The following SYNE1 variants were observed in gnomAD, a reference collection of about 807,000 sequenced individuals.
The protein encoded by SYNE1 is spectrin repeat containing nuclear envelope protein 1, also known as nesprin-1.
In SYNE1, 616 loss-of-function variants were observed where a neutral mutation model predicts 1,111.0. The observed-to-expected ratio is 0.55, with a 90% CI of 0.52 to 0.59. The LOEUF is 0.59. Among genes scored for constraint, SYNE1 ranks in the 20% least tolerant of loss-of-function variants. The pLI is 0.00. For missense variants in SYNE1, 10,006 were observed against 10,417.0 expected, an observed-to-expected ratio of 0.96 and a Z score of 1.72; for synonymous variants, 3,855 against 3,825.8, an observed-to-expected ratio of 1.01 and a Z score of -0.28.
chr6:152,463,575 A>ATTTGGT, intron 18 of SYNE1, 58 bp from the exon 19 acceptor site: 1 of 1,408,326 alleles, frequency 7.1e-7, no homozygotes, highest in South Asian at 1.2e-5. Context: ...AGTGACTGAT[A>ATTTGGT]TGAAAGTGAC....
rs7771662 is a variant in SYNE1, at chr6:152,362,064, G to A, written c.10299+106C>T. On this transcript the variant is annotated intron_variant, in intron 64 of 145. Coordinates refer to ENST00000367255, the MANE Select transcript of SYNE1 (RefSeq NM_182961.4). ...ATACTAAAAGCCCCAAACGTAATTT[G>A]CTTATGTGCACTGCCCTAGGGTACA... 0.6 allele frequency: 865,933 copies of A among 1,454,994 alleles called. 259,717 individuals carry two copies. The highest frequency in any genetic ancestry group is 0.64 in the East Asian group (27,796 of 43,566). 90.1% of individuals were successfully genotyped at this position (1,454,994 alleles called of 1,614,324 possible).
chr6:152,480,230 G>A (rs538756886), intron 14 of SYNE1, among the ~76,000 whole-genome samples: 62 of 152,302 alleles, frequency 4.1e-4, no homozygotes, highest in African/African-American at 1.4e-3. Context: ...GTTTTAATAA[G>A]TCAAACTTGG....
At chr6:152,557,085 T>A (rs2099367577) in intron 3 of SYNE1, among the ~76,000 whole-genome samples, 1 of 150,610 alleles carries the variant, frequency 6.6e-6, no homozygotes, top group Non-Finnish European at 1.5e-5. Context: ...CTGAAAAAAA[T>A]CAGAAGTTCA....
intron 121 of SYNE1, among the ~76,000 whole-genome samples, chr6:152,215,730 C>T (rs752760319): frequency 5.3e-5 from 8 of 152,234 alleles, no homozygotes; most frequent in African/African-American, 1.9e-4. Flanking sequence ...ATCCTCAAAA[C>T]GATCACATAA....
intron 14 of SYNE1, among the ~76,000 whole-genome samples, chr6:152,478,305 TGGACAGTAGCTGGGAGG>T (rs2098847081): frequency 6.6e-6 from 1 of 152,112 alleles, no homozygotes; most frequent in African/African-American, 2.4e-5. Flanking sequence ...GGAAGAAAAT[TGGACAGTAGCTGGGAGG>T]GGAAGTGGGG....
intron 129 of SYNE1, 76 bp from the exon 130 acceptor site, chr6:152,176,636 G>T (rs2066514066): frequency 1.4e-6 from 2 of 1,403,254 alleles, no homozygotes; most frequent in Non-Finnish European, 1.0e-6. Flanking sequence ...CTAGAAACAT[G>T]ATGATTACTG....
Position 152,330,008 on chromosome 6 carries a change from T to G in SYNE1, c.14677A>C (p.Met4893Leu). The G allele has an allele frequency of 6.2e-7, 1 of 1,614,164 alleles. No homozygotes were observed. Among genetic ancestry groups the G allele is most frequent in the South Asian group, 1.1e-5 (1 of 91,074 alleles). The change falls in exon 78 of 146, where the codon ATG (methionine) becomes CTG (leucine). Residue 4893 changes from methionine to leucine, a missense_variant. Physicochemically the swap from Met to Leu is conservative, Grantham distance 15 (BLOSUM62 2). Transcript: ENST00000367255. Reference protein sequence around the residue: ...MVQSIDFQTEMSRSLDWLRRV... With the variant: ...MVQSIDFQTELSRSLDWLRRV... ...CTCAGCCAGTCCAGGGAGCGACTCA[T>G]CTCAGTCTGGAAGTCTATACTCTGC...
At position 152,318,908 on chromosome 6, in the gene SYNE1, C is replaced by T. The variant is rs750788900; in HGVS notation, c.16344G>A (p.Leu5448=). The change falls in exon 85 of 146, where the codon CTG becomes CTA. Residue 5448 remains leucine, a synonymous_variant. Coordinates refer to ENST00000367255, the MANE Select transcript of SYNE1 (RefSeq NM_182961.4). The part of the protein sequence containing the change: ...AKDLTTILTK[L]KAKTDNVVQA... ...GAACTACATTATCTGTCTTCGCTTT[C>T]AGCTTAGTTAGAATAGTTGTGAGGT... The T allele has an allele frequency of 4.3e-6, 7 of 1,614,088 alleles. No individual in the cohort carries two copies. Among genetic ancestry groups the T allele is most frequent in the African/African-American group, 4.0e-5 (3 of 74,934 alleles).
intron 74 of SYNE1, among the ~76,000 whole-genome samples, chr6:152,341,850 G>C (rs2096540304): frequency 6.6e-6 from 1 of 152,138 alleles, no homozygotes; most frequent in South Asian, 2.1e-4. Flanking sequence ...TGAAGGACAT[G>C]ACATTATTTG....
chr6:152,232,332 A>T (rs2082967890), intron 112 of SYNE1, 67 bp from the exon 113 acceptor site: 1 of 1,506,270 alleles, frequency 6.6e-7, no homozygotes. Flanking sequence ...TGCTAACTTA[A>T]AAACCCTACA....
At position 152,291,304 on chromosome 6, in the gene SYNE1, C is replaced by A. The variant is rs534463149; in HGVS notation, c.18012+2284G>T. Among the ~76,000 whole-genome samples, 4 of 148,698 alleles carry A rather than the reference C, an allele frequency of 2.7e-5. No individual in the cohort carries two copies. The East Asian group carries it at 7.8e-4, about 29-fold the overall frequency. ...TTAATATGATATATTAATATATTTT[C>A]TCTCTTAATAAACCATTAAGCCCCA... On this transcript the variant is annotated intron_variant, in intron 95 of 145. Transcript: ENST00000367255.
chr6:152,236,202 G>C lies in SYNE1; in HGVS notation c.20301C>G (p.Ser6767Arg). 2 of 1,614,064 alleles carry C rather than the reference G, an allele frequency of 1.2e-6. No individual in the cohort carries two copies. The highest frequency in any genetic ancestry group is 1.7e-6 in the Non-Finnish European group (2 of 1,180,000). The change falls in exon 110 of 146, where the codon AGC (serine) becomes AGG (arginine). Residue 6767 changes from serine to arginine, a missense_variant. Ser to Arg is a moderately radical substitution (Grantham distance 110, BLOSUM62 -1). Transcript: ENST00000367255. ...LISISCSDLE[S>R]QLNQLGECWL... is the part of the protein sequence containing the mutation. ...AGCACTCTCCAAGTTGATTTAGTTGGCTTTCTAGATCTGAGCAGCTGATGG... is the reference window on the plus strand; with the variant it reads ...AGCACTCTCCAAGTTGATTTAGTTGCCTTTCTAGATCTGAGCAGCTGATGG...
chr6:152,428,391 T>G lies in SYNE1; in HGVS notation c.4790A>C (p.Asp1597Ala). 1 of 1,613,414 alleles carries G rather than the reference T, an allele frequency of 6.2e-7. No individual in the cohort carries two copies. The highest frequency in any genetic ancestry group is 8.5e-7 in the Non-Finnish European group (1 of 1,180,000). Residue 1597 changes from aspartate to alanine, a missense_variant and splice_region_variant, in exon 37 of 146, where the codon GAT becomes GCT. Asp to Ala is a moderately radical substitution (Grantham distance 126, BLOSUM62 -2). This residue lies in a region of SYNE1 where 1,971 missense variants were observed against 2,084.1 expected (regional missense o/e 0.95). Transcript: ENST00000367255. ...CAGTGACTCCAGGGCCTGGCAGAGA[T>G]CCTAAGAAGAGTGCGAGAAGAATGC... The part of the protein sequence containing the change: ...ETYKVLQEHM[D>A]LCQALESLSS...
At chr6:152,567,773 T>C (rs1385562783) in intron 3 of SYNE1, among the ~76,000 whole-genome samples, 17 of 152,158 alleles carry the variant, frequency 1.1e-4, no homozygotes, top group Admixed American at 1.1e-3. Context: ...GACTTCCTCA[T>C]GTAGAAAATC....
chr6:152,181,313 G>A (rs1434464421), intron 128 of SYNE1, among the ~76,000 whole-genome samples: 1 of 152,142 alleles, frequency 6.6e-6, no homozygotes, highest in Non-Finnish European at 1.5e-5. Flanking sequence ...TTGGGAAGTT[G>A]AGGCAGGAGA....
intron 61 of SYNE1, chr6:152,367,830 G>C (rs2097107320): frequency 4.9e-6 from 1 of 203,918 alleles, no homozygotes; most frequent in African/African-American, 2.3e-5. Context: ...CCATACACAT[G>C]GTTTTGTTTA....
chr6:152,175,497 G>A (rs914664379), intron 130 of SYNE1, among the ~76,000 whole-genome samples: 1 of 152,176 alleles, frequency 6.6e-6, no homozygotes, highest in South Asian at 2.1e-4. Context: ...GGCACCATTT[G>A]TAACATTCCA....
intron 56 of SYNE1, among the ~76,000 whole-genome samples, chr6:152,377,640 A>AATATATATATATAT (rs1369932106): frequency 4.4e-4 from 15 of 33,858 alleles, no homozygotes; most frequent in East Asian, 3.4e-3. Flanking sequence ...AAAAAAAAAA[A>AATATATATATATAT]ATATATATAT....
chr6:152,527,753 G>A lies in SYNE1; in HGVS notation c.130-1578C>T, dbSNP rs531176257. 6.6e-5 allele frequency among the ~76,000 whole-genome samples: 10 copies of A among 152,254 alleles called. No homozygotes were observed. In the South Asian group the frequency reaches 2.1e-3, roughly 32 times the overall value. On this transcript the variant is annotated intron_variant, in intron 4 of 145. Coordinates refer to ENST00000367255, the MANE Select transcript of SYNE1 (RefSeq NM_182961.4). ...ATATGCAAAAAGTAAGGAAAGCAGGGAATTCTCATAAAATAATAAAGATTT... is the reference window on the plus strand; with the variant it reads ...ATATGCAAAAAGTAAGGAAAGCAGGAAATTCTCATAAAATAATAAAGATTT...
Sources: gnomAD v4.1 joint callset for allele counts (sites outside exome capture counted in the v4.1 genomes callset) on GRCh38, gnomAD v4.1.1 for gene constraint, gnomAD v4.1.1 regional missense constraint, MANE v1.5 for transcripts, NCBI Gene and HGNC (gene_info 2026-07-23, HGNC 2026-07-21) for gene names.